POLQ: variants seen among roughly 807,000 people sequenced by gnomAD.
POLQ encodes epididymis secretory sperm binding protein.
Under a neutral mutation model 259.2 loss-of-function variants are expected in POLQ, and 233 were observed. The ratio of observed to expected loss-of-function variants is 0.90; its 90% CI spans 0.81 to 1.00. The LOEUF (loss-of-function observed/expected upper bound fraction) is 1.00, where lower values mean the gene tolerates loss of function less well. Among genes scored for constraint, POLQ ranks in the 50% least tolerant of loss-of-function variants. The pLI, the probability that POLQ is intolerant of heterozygous loss-of-function variation, is 0.00. For missense variants in POLQ, 2,871 were observed against 3,051.6 expected (o/e 0.94, Z 1.39); for synonymous variants, 1,025 against 1,048.8 (o/e 0.98, Z 0.44).
intron 19 of POLQ, among the ~76,000 whole-genome samples, chr3:121,479,677 T>A (rs2047955811): frequency 6.6e-6 from 1 of 151,990 alleles, no homozygotes; most frequent in Admixed American, 6.6e-5. Flanking sequence ...GGTCTCAAAC[T>A]CCTGGCCTCA....
At chr3:121,499,064 G>A (rs2048146428) in intron 12 of POLQ, among the ~76,000 whole-genome samples, 1 of 152,076 alleles carries the variant, frequency 6.6e-6, no homozygotes, top group South Asian at 2.1e-4. Flanking sequence ...CTGGGCAACA[G>A]AGCAAGACTC....
intron 20 of POLQ, among the ~76,000 whole-genome samples, chr3:121,475,743 T>G (rs992761501): frequency 1.3e-5 from 2 of 152,174 alleles, no homozygotes; most frequent in African/African-American, 4.8e-5. Flanking sequence ...CAAAGGCCCT[T>G]TACTCTTAGT....
At chr3:121,460,522 T>C (rs1320303141) in intron 24 of POLQ, among the ~76,000 whole-genome samples, 2 of 152,200 alleles carry the variant, frequency 1.3e-5, no homozygotes, top group East Asian at 1.9e-4. Flanking sequence ...ACCTGGCACA[T>C]AATCCAAAAT....
chr3:121,488,532 TTC>T lies in POLQ; in HGVS notation c.4397_4398del (p.Arg1466AsnfsTer14). The T allele has an allele frequency of 6.2e-7, 1 of 1,611,044 alleles. No homozygotes were observed. Among genetic ancestry groups the T allele is most frequent in the Non-Finnish European group, 8.5e-7 (1 of 1,179,092 alleles). On this transcript the variant is annotated frameshift_variant, in exon 16 of 30. Transcript: ENST00000264233. LOFTEE classifies it high-confidence loss of function. ...KPVILLIPQKRTPTGVEGECL... is the reference protein window; with the variant it reads ...KPVILLIPQKXTPTGVEGECL... Reference sequence around the variant, plus strand: ...CATTCTCCTTCTACACCAGTGGGAGTTCTCTTTTGAGGAATCAGAAGTATAAC... The same window carrying T: ...CATTCTCCTTCTACACCAGTGGGAGTTCTTTTGAGGAATCAGAAGTATAAC...
intron 13 of POLQ, 23 bp downstream of exon 13, chr3:121,498,454 A>G (rs759884062): frequency 1.3e-6 from 2 of 1,572,174 alleles, no homozygotes; most frequent in Non-Finnish European, 1.7e-6. Flanking sequence ...AATACCGGAG[A>G]GCCCAGAGAC....
At chr3:121,517,206 C>T (rs2048303803) in intron 9 of POLQ, among the ~76,000 whole-genome samples, 1 of 152,132 alleles carries the variant, frequency 6.6e-6, no homozygotes, top group Non-Finnish European at 1.5e-5. Context: ...TGGGGATGGA[C>T]AGAGGTAGGC....
chr3:121,450,983 C>T (rs916065553), intron 25 of POLQ, among the ~76,000 whole-genome samples: 12 of 151,804 alleles, frequency 7.9e-5, no homozygotes, highest in Admixed American at 3.9e-4. Context: ...AGGCTTTGTT[C>T]GTTTCTTTTT....
At chr3:121,454,921 G>C (rs774704159) in intron 25 of POLQ, among the ~76,000 whole-genome samples, 3 of 152,164 alleles carry the variant, frequency 2.0e-5, no homozygotes, top group African/African-American at 7.2e-5. Flanking sequence ...CAAATCAATA[G>C]AATATACATT....
chr3:121,542,844 G>T (rs907027726), intron 2 of POLQ, among the ~76,000 whole-genome samples: 3 of 151,990 alleles, frequency 2.0e-5, no homozygotes, highest in Admixed American at 1.3e-4. Context: ...GGGGCCGGGC[G>T]TGGTGGCGGG....
At chr3:121,468,922 C>T (rs1384605317) in intron 22 of POLQ, among the ~76,000 whole-genome samples, 1 of 152,132 alleles carries the variant, frequency 6.6e-6, no homozygotes, top group Non-Finnish European at 1.5e-5. Context: ...TCAGGTGAGA[C>T]TTGAATCAGG....
rs1318750210 is a variant in POLQ, at chr3:121,440,089, A to G, written c.7292T>C (p.Val2431Ala). Residue 2431 changes from valine (V) to alanine (A), a missense_variant, in exon 27 of 30, where the codon GTG becomes GCG. Val to Ala is a moderately conservative substitution (Grantham distance 64, BLOSUM62 0). Coordinates refer to ENST00000264233, the MANE Select transcript of POLQ (RefSeq NM_199420.4). ...TGINQFMTET[V>A]KNCKRDGFVQ... ...AAATCCGTCTCTTTTACAATTCTTC[A>G]CTGTCTCTGTCATGAATTGATTAAT... 1.1e-5 allele frequency: 18 copies of G among 1,607,260 alleles called. No individual in the cohort carries two copies. Among genetic ancestry groups the G allele is most frequent in the Non-Finnish European group, 1.4e-5 (17 of 1,174,072 alleles).
rs2108794483 is a variant in POLQ at position 121,481,661 on chromosome 3, G to C, written c.6122C>G (p.Ser2041Cys). 1 of 1,613,992 alleles carries C rather than the reference G, an allele frequency of 6.2e-7. No homozygotes were observed. Residue 2041 changes from serine to cysteine, a missense_variant, in exon 19 of 30, where the codon TCT (serine) becomes TGT (cysteine). Ser to Cys is a moderately radical substitution (Grantham distance 112). Transcript: ENST00000264233. ...CTCCACAGATGCTCTGTATCGCCCA[G>C]AATGCTCACTGCCAGCATTTAGCCC... Reference protein sequence around the residue: ...SLGLNAGSEHSGRYRASVESI... With the variant: ...SLGLNAGSEHCGRYRASVESI...
intron 26 of POLQ, among the ~76,000 whole-genome samples, chr3:121,445,237 G>A (rs1334024686): frequency 1.3e-5 from 2 of 152,142 alleles, no homozygotes; most frequent in African/African-American, 2.4e-5. Flanking sequence ...TTGAGTCCCA[G>A]GCTTTTCTTT....
rs546308986 is a variant in POLQ at position 121,464,374 on chromosome 3, AAAC to A, written c.6967+3142_6967+3144del. Among the ~76,000 whole-genome samples, 763 of 152,132 alleles carry A rather than the reference AAAC, an allele frequency of 5.0e-3. 9 individuals carry two copies. Among genetic ancestry groups the A allele is most frequent in the African/African-American group, 0.017 (709 of 41,500 alleles). On this transcript the variant is annotated intron_variant, in intron 24 of 29. Transcript: ENST00000264233. The stretch of plus-strand genomic sequence containing the variant: ...ATAGTGGGACCCCCATCTCTACCAA[AAAC>A]AACAACAACAACAACAATAATAATA...
Position 121,545,785 on chromosome 3 carries a change from G to A in POLQ, c.93C>T (p.Pro31=). The A allele has an allele frequency of 6.2e-7, 1 of 1,610,728 alleles. No individual in the cohort carries two copies. The highest frequency in any genetic ancestry group is 8.5e-7 in the Non-Finnish European group (1 of 1,178,758). ...SGSGGDSSAS[P]QFLSGSVLSP... ...TCAGCACGGACCCGGAGAGGAACTG[G>A]GGGCTGGCACTGCTGTCACCGCCGC... The change falls in exon 1 of 30, where the codon CCC becomes CCT. Residue 31 remains proline (P), a synonymous_variant. Transcript: ENST00000264233.
At chr3:121,530,631 A>T (rs7622867) in intron 6 of POLQ, among the ~76,000 whole-genome samples, 99,597 of 152,090 alleles carry the variant, frequency 0.65, 32,840 homozygotes, top group East Asian at 0.89. Flanking sequence ...ATTATCTCAA[A>T]GAAAGGCAAC....
chr3:121,531,416 T>A (rs1428952585), intron 6 of POLQ, among the ~76,000 whole-genome samples: 1 of 151,958 alleles, frequency 6.6e-6, no homozygotes, highest in Non-Finnish European at 1.5e-5. Context: ...CTTGTTGTAT[T>A]AAAAAACAGC....
At chr3:121,467,460 C>A in intron 24 of POLQ, 59 bp downstream of exon 24, 2 of 1,564,818 alleles carry the variant, frequency 1.3e-6, no homozygotes, top group South Asian at 1.1e-5. Flanking sequence ...AGGCTTTATC[C>A]ATGCTTTGAA....
At chr3:121,491,494 G>T (rs1032809910) in intron 15 of POLQ, among the ~76,000 whole-genome samples, 1 of 152,062 alleles carries the variant, frequency 6.6e-6, no homozygotes, top group Admixed American at 6.6e-5. Flanking sequence ...TTGAGACTTG[G>T]AAGAAAGAAA....
Sources: gnomAD v4.1 joint callset for allele counts (sites outside exome capture counted in the v4.1 genomes callset) on GRCh38, gnomAD v4.1.1 for gene constraint, MANE v1.5 for transcripts, NCBI Gene and HGNC (gene_info 2026-07-23, HGNC 2026-07-21) for gene names.